ALKBH3: variants seen among roughly 807,000 people sequenced by gnomAD.
ALKBH3 encodes alpha-ketoglutarate-dependent dioxygenase alkB homolog 3.
A neutral mutation model predicts 43.9 loss-of-function variants in ALKBH3; 51 were observed. The ratio of observed to expected loss-of-function variants is 1.16; its 90% CI spans 0.93 to 1.47. The LOEUF is 1.47. Among genes scored for constraint, ALKBH3 ranks in the 40% most tolerant of loss-of-function variants. ALKBH3 has a pLI of 0.00. For missense variants in ALKBH3, 361 were observed against 351.9 expected (o/e 1.03, Z -0.21); for synonymous variants, 102 against 115.2 (o/e 0.89, Z 0.73).
At chr11:43,907,212 A>AGAGT (rs373960841) in intron 8 of ALKBH3, among the ~76,000 whole-genome samples, 1 of 149,450 alleles carries the variant, frequency 6.7e-6, no homozygotes, top group Non-Finnish European at 1.5e-5. Context: ...AGAGAGAGAG[A>AGAGT]GTGTGTGTGT....
intron 9 of ALKBH3, 63 bp from the exon 10 acceptor site, chr11:43,919,855 T>C (rs768601146): frequency 1.4e-6 from 2 of 1,433,540 alleles, no homozygotes; most frequent in Non-Finnish European, 2.0e-6. Context: ...AAGTTTTAAG[T>C]CGCTTTGAAC....
chr11:43,902,475 A>G (rs1951869987), intron 8 of ALKBH3, among the ~76,000 whole-genome samples: 1 of 152,262 alleles, frequency 6.6e-6, no homozygotes, highest in Non-Finnish European at 1.5e-5. Flanking sequence ...ATGCCAAGAA[A>G]AGAGCCAATT....
Position 43,881,170 on chromosome 11 carries a change from G to T in ALKBH3, c.-80G>T, listed in dbSNP as rs868052041. On this transcript the variant is annotated 5_prime_UTR_variant, in exon 1 of 10. Coordinates refer to ENST00000302708, the MANE Select transcript of ALKBH3 (RefSeq NM_139178.4). The stretch of plus-strand genomic sequence containing the variant: ...CCCTGTTTACTGAGGAAAAACTGGG[G>T]CTCAGAAAGGTGAAGTCATTTGCCA... 6.6e-6 allele frequency: 1 copy of T among 152,294 alleles called. No homozygotes were observed. The highest frequency in any genetic ancestry group is 2.4e-5 in the African/African-American group (1 of 41,462). 9.4% of individuals were successfully genotyped at this position (152,294 alleles called of 1,614,324 possible).
chr11:43,919,496 C>G lies in ALKBH3; in HGVS notation c.768+360C>G, dbSNP rs555424341. On this transcript the variant is annotated intron_variant, in intron 9 of 9. Transcript: ENST00000302708. ...TAGCTTCAGGGTAGCTAGTGACTAT[C>G]TTATTGGAATACACAGCTCTGCAGC... 19 of 295,772 alleles carry G rather than the reference C, an allele frequency of 6.4e-5. No homozygotes were observed. In the East Asian group the frequency reaches 1.5e-3, roughly 24 times the overall value. The allele number at this position is 295,772 out of a possible 1,614,324, so 18.3% of individuals were successfully genotyped here. A position where few individuals can be genotyped will look rare whatever the true frequency, so the allele number is the denominator to read the frequency against.
intron 8 of ALKBH3, among the ~76,000 whole-genome samples, chr11:43,914,410 T>C (rs546192874): frequency 6.6e-6 from 1 of 152,266 alleles, no homozygotes; most frequent in African/African-American, 2.4e-5. Flanking sequence ...GCACATGCCA[T>C]CGTAGATCTT....
At chr11:43,914,969 G>C (rs1391845156) in intron 8 of ALKBH3, among the ~76,000 whole-genome samples, 1 of 152,022 alleles carries the variant, frequency 6.6e-6, no homozygotes, top group Admixed American at 6.6e-5. Context: ...ACTTTGGGAG[G>C]CCAAGGCAGG....
chr11:43,894,684 C>A (rs1224720397), intron 7 of ALKBH3, among the ~76,000 whole-genome samples: 1 of 152,152 alleles, frequency 6.6e-6, no homozygotes, highest in Non-Finnish European at 1.5e-5. Context: ...CCTTTACATT[C>A]TTGTTTTTCT....
chr11:43,892,054 G>A lies in ALKBH3; in HGVS notation c.384G>A (p.Gln128=), dbSNP rs16937692. ...TTTCTTTCTTAGATATAACTTATCA[G>A]CAACCAAGACTTACAGCATGGTATG... ...RTGIREDITY[Q]QPRLTAWYGE... is the part of the protein sequence containing the mutation. Residue 128 remains glutamine, a synonymous_variant, in exon 7 of 10, where the codon CAG becomes CAA. Transcript: ENST00000302708. The A allele has an allele frequency of 0.041, 66,215 of 1,611,984 alleles. 3,014 individuals carry two copies. The highest frequency in any genetic ancestry group is 0.24 in the Admixed American group (14,567 of 59,962).
At chr11:43,906,524 G>C (rs910636283) in intron 8 of ALKBH3, among the ~76,000 whole-genome samples, 1 of 152,042 alleles carries the variant, frequency 6.6e-6, no homozygotes, top group Non-Finnish European at 1.5e-5. Flanking sequence ...AATCCATCTG[G>C]TGATTATAGC....
At chr11:43,908,029 T>C (rs181247800) in intron 8 of ALKBH3, among the ~76,000 whole-genome samples, 14 of 152,294 alleles carry the variant, frequency 9.2e-5, no homozygotes, top group African/African-American at 3.1e-4. Flanking sequence ...TGGCATGAGC[T>C]CAGAGGAACA....
intron 8 of ALKBH3, chr11:43,910,391 C>G (rs926121422): frequency 6.6e-6 from 1 of 152,198 alleles, no homozygotes; most frequent in East Asian, 1.9e-4. Flanking sequence ...ACCATTCCTT[C>G]TTTGGTGGGG....
Position 43,920,094 on chromosome 11 carries a change from A to G in ALKBH3, c.*84A>G. ...CACTTCAAGAGGCTGGTGCTGCTAG[A>G]TCTCATGATGTGGCTGTTGGGAAGA... On this transcript the variant is annotated 3_prime_UTR_variant, in exon 10 of 10. Transcript: ENST00000302708. The G allele has an allele frequency of 7.8e-7, 1 of 1,289,780 alleles. No individual in the cohort carries two copies. The highest frequency in any genetic ancestry group is 2.0e-4 in the Middle Eastern group (1 of 5,088). The allele number at this position is 1,289,780 out of a possible 1,614,324, so 79.9% of individuals were successfully genotyped here.
chr11:43,919,942 T>G lies in ALKBH3; in HGVS notation c.793T>G (p.Ser265Ala), dbSNP rs776014847. 2.5e-6 allele frequency: 4 copies of G among 1,614,062 alleles called. No homozygotes were observed. The African/African-American group carries it at 5.3e-5, about 22-fold the overall frequency. Reference protein sequence around the residue: ...WQHRVPKEYHSREPRVNLTFR... With the variant: ...WQHRVPKEYHAREPRVNLTFR... ...GCATCGAGTGCCCAAAGAATACCACTCTAGAGAACCGAGAGTGAACCTGAC... is the reference window on the plus strand; with the variant it reads ...GCATCGAGTGCCCAAAGAATACCACGCTAGAGAACCGAGAGTGAACCTGAC... Residue 265 changes from serine (S) to alanine (A), a missense_variant, in exon 10 of 10, where the codon TCT becomes GCT. By Grantham distance (99) the Ser-to-Ala change is moderately conservative. Coordinates refer to ENST00000302708, the MANE Select transcript of ALKBH3 (RefSeq NM_139178.4).
intron 8 of ALKBH3, among the ~76,000 whole-genome samples, chr11:43,910,962 A>G (rs1951933819): frequency 6.6e-6 from 1 of 152,166 alleles, no homozygotes; most frequent in Non-Finnish European, 1.5e-5. Flanking sequence ...CAGGTATTAT[A>G]CTATGCTCAG....
chr11:43,904,730 C>T (rs535453676), intron 8 of ALKBH3, among the ~76,000 whole-genome samples: 4 of 152,176 alleles, frequency 2.6e-5, no homozygotes, highest in Admixed American at 6.5e-5. Context: ...TGAAAGGAAG[C>T]GATTATTGCA....
chr11:43,919,800 C>G, intron 9 of ALKBH3, 118 bp from the exon 10 acceptor site: 3 of 956,578 alleles, frequency 3.1e-6, no homozygotes, highest in Non-Finnish European at 4.9e-6. Context: ...GCTTACTACT[C>G]ATTTAAGGGG....
At chr11:43,885,902 C>T (rs184650387) in intron 4 of ALKBH3, among the ~76,000 whole-genome samples, 13 of 152,176 alleles carry the variant, frequency 8.5e-5, no homozygotes, top group East Asian at 5.8e-4. Context: ...AGTTTAAAGG[C>T]GGTGATGCTG....
chr11:43,903,380 C>T (rs558685133), intron 8 of ALKBH3, among the ~76,000 whole-genome samples: 26 of 152,334 alleles, frequency 1.7e-4, no homozygotes, highest in Non-Finnish European at 2.1e-4. Flanking sequence ...TAGTAAGACT[C>T]CTGTTGCATA....
rs555575389 is a variant in ALKBH3, at chr11:43,899,575, T to C, written c.460-1941T>C. 119 of 630,178 alleles carry C rather than the reference T, an allele frequency of 1.9e-4. 1 individual carries two copies. The highest frequency in any genetic ancestry group is 4.8e-4 in the Middle Eastern group (1 of 2,104). The allele number at this position is 630,178 out of a possible 1,614,324, so 39.0% of individuals were successfully genotyped here. Reference sequence around the variant, plus strand: ...GATTTCCAGCTAGTGCCGCACCACCTGCACCTAGTGTGCAGAGGAGATGGC... The same window carrying C: ...GATTTCCAGCTAGTGCCGCACCACCCGCACCTAGTGTGCAGAGGAGATGGC... On this transcript the variant is annotated intron_variant, in intron 7 of 9. Coordinates refer to ENST00000302708, the MANE Select transcript of ALKBH3 (RefSeq NM_139178.4).
Sources: gnomAD v4.1 joint callset for allele counts (sites outside exome capture counted in the v4.1 genomes callset) on GRCh38, gnomAD v4.1.1 for gene constraint, MANE v1.5 for transcripts, NCBI Gene and HGNC (gene_info 2026-07-23, HGNC 2026-07-21) for gene names.